The following PIK3C2B variants were observed in gnomAD, a reference collection of about 807,000 sequenced individuals.
The protein encoded by PIK3C2B is phosphatidylinositol-4-phosphate 3-kinase catalytic subunit type 2 beta.
In PIK3C2B, 83 loss-of-function variants were observed where a neutral mutation model predicts 184.3. The observed-to-expected ratio is 0.45, with a 90% CI of 0.38 to 0.54. The LOEUF is 0.54. Among genes scored for constraint, PIK3C2B ranks in the 20% least tolerant of loss-of-function variants. The pLI is 0.00. For missense variants in PIK3C2B, 1,736 were observed against 2,113.5 expected, an observed-to-expected ratio of 0.82 and a Z score of 3.50; for synonymous variants, 779 against 837.6, an observed-to-expected ratio of 0.93 and a Z score of 1.21.
chr1:204,449,242 A>G lies in PIK3C2B; in HGVS notation c.2289T>C (p.Asn763=). 1 of 1,613,116 alleles carries G rather than the reference A, an allele frequency of 6.2e-7. No individual in the cohort carries two copies. The highest frequency in any genetic ancestry group is 8.5e-7 in the Non-Finnish European group (1 of 1,179,782). ...TAGGTGCACTCCAACGGGCGCTGGGATTTTCCTGTGTTGCTGGCCACAAAC... is the reference window on the plus strand; with the variant it reads ...TAGGTGCACTCCAACGGGCGCTGGGGTTTTCCTGTGTTGCTGGCCACAAAC... ...LLGLWPATQE[N]PSARWSAPNF... The change falls in exon 14 of 33, where the codon AAT becomes AAC. Residue 763 remains asparagine (N), a synonymous_variant. Transcript: ENST00000684373.
chr1:204,464,598 T>A lies in PIK3C2B; in HGVS notation c.1041A>T (p.Arg347=). The change falls in exon 4 of 33, where the codon CGA becomes CGT. Residue 347 remains arginine, a synonymous_variant. Coordinates refer to ENST00000684373, the MANE Select transcript of PIK3C2B (RefSeq NM_001377334.1). ...AAFCHMLDIL[R]SGSDIQDYFL... is the part of the protein sequence containing the mutation. Reference sequence around the variant, plus strand: ...AGTAGTCTTGGATGTCAGAGCCAGATCGAAGGCTGTACAGGAAGAAAAAAA... The same window carrying A: ...AGTAGTCTTGGATGTCAGAGCCAGAACGAAGGCTGTACAGGAAGAAAAAAA... 6.2e-7 allele frequency: 1 copy of A among 1,613,808 alleles called. No homozygotes were observed. The highest frequency in any genetic ancestry group is 1.7e-5 in the Admixed American group (1 of 59,974).
In PIK3C2B at chr1:204,444,438, C is replaced by T. The variant is rs1268917732; in HGVS notation, c.2679-14G>A. On this transcript the variant is annotated splice_polypyrimidine_tract_variant and intron_variant, in intron 16 of 32. Coordinates refer to ENST00000684373, the MANE Select transcript of PIK3C2B (RefSeq NM_001377334.1). Reference sequence around the variant, plus strand: ...TGGTCCGGGAAGCTGCAAAACAGAGCCCAGTGCCCTGACAACCTAGCTGCA... The same window carrying T: ...TGGTCCGGGAAGCTGCAAAACAGAGTCCAGTGCCCTGACAACCTAGCTGCA... 1 of 1,602,178 alleles carries T rather than the reference C, an allele frequency of 6.2e-7. No homozygotes were observed. Among genetic ancestry groups the T allele is most frequent in the Admixed American group, 1.7e-5 (1 of 59,184 alleles).
At chr1:204,489,815 C>T (rs1310779900) in intron 1 of PIK3C2B, 2 of 397,930 alleles carry the variant, frequency 5.0e-6, no homozygotes, top group African/African-American at 2.1e-5. Flanking sequence ...AGAACTCATA[C>T]CTGATTCTTC....
chr1:204,468,869 C>G lies in PIK3C2B; in HGVS notation c.933+1G>C, dbSNP rs753927973. ...CAGAAGAAACACAAGAAGGTCCTCA[C>G]CGGGGCTGCAGAAATCCGGCGGTTC... On this transcript the variant is annotated splice_donor_variant, in intron 2 of 32. Transcript: ENST00000684373. LOFTEE classifies it high-confidence loss of function. 1 of 1,577,240 alleles carries G rather than the reference C, an allele frequency of 6.3e-7. No individual in the cohort carries two copies. Among genetic ancestry groups the G allele is most frequent in the South Asian group, 1.2e-5 (1 of 84,178 alleles).
intron 23 of PIK3C2B, among the ~76,000 whole-genome samples, chr1:204,436,897 G>T (rs530169354): frequency 6.6e-6 from 1 of 152,242 alleles, no homozygotes; most frequent in African/African-American, 2.4e-5. Flanking sequence ...CCTCTCCAAG[G>T]GTAGAGGGCC....
chr1:204,451,634 C>T (rs1654367546), intron 12 of PIK3C2B, among the ~76,000 whole-genome samples: 1 of 147,002 alleles, frequency 6.8e-6, no homozygotes, highest in Non-Finnish European at 1.5e-5. Flanking sequence ...ACTTAATTCC[C>T]ATCTCTGTGC....
At chr1:204,490,865 T>C (rs1238854284) in intron 1 of PIK3C2B, among the ~76,000 whole-genome samples, 1 of 152,162 alleles carries the variant, frequency 6.6e-6, no homozygotes, top group Non-Finnish European at 1.5e-5. Flanking sequence ...GAAATCTGCC[T>C]TAATTTCCCC....
chr1:204,447,418 T>G lies in PIK3C2B; in HGVS notation c.2489+18A>C. 6.2e-7 allele frequency: 1 copy of G among 1,607,626 alleles called. No individual in the cohort carries two copies. The highest frequency in any genetic ancestry group is 8.5e-7 in the Non-Finnish European group (1 of 1,175,076). On this transcript the variant is annotated intron_variant, in intron 15 of 32. Coordinates refer to ENST00000684373, the MANE Select transcript of PIK3C2B (RefSeq NM_001377334.1). The surrounding 1 kb of genome is among the most constrained non-coding windows in gnomAD (Gnocchi z 4.1). Reference sequence around the variant, plus strand: ...GTCAGATGAAACATGACAGATTCAGTGGGGGCCCGGGTCTCACCAGTACAA... The same window carrying G: ...GTCAGATGAAACATGACAGATTCAGGGGGGGCCCGGGTCTCACCAGTACAA...
At chr1:204,466,022 C>T (rs572750232) in intron 2 of PIK3C2B, among the ~76,000 whole-genome samples, 17 of 152,318 alleles carry the variant, frequency 1.1e-4, no homozygotes, top group Admixed American at 8.5e-4. Context: ...TCTCAAAATA[C>T]GTGTGTGGTG....
intron 1 of PIK3C2B, among the ~76,000 whole-genome samples, chr1:204,486,727 C>T (rs1657627219): frequency 6.6e-6 from 1 of 152,130 alleles, no homozygotes; most frequent in Non-Finnish European, 1.5e-5. Context: ...GAGATTCCAT[C>T]TCAAAAAAAG....
intron 5 of PIK3C2B, among the ~76,000 whole-genome samples, chr1:204,462,181 C>T (rs1259605189): frequency 2.6e-5 from 4 of 152,126 alleles, no homozygotes; most frequent in Non-Finnish European, 4.4e-5. Flanking sequence ...GGACCGCTGA[C>T]CCTGTCCCAC....
chr1:204,444,269 A>G (rs751181146), intron 17 of PIK3C2B, 62 bp downstream of exon 17: 8 of 1,487,218 alleles, frequency 5.4e-6, no homozygotes, highest in Non-Finnish European at 7.5e-6. Context: ...GGCAGAATGC[A>G]GACTCACTTG....
chr1:204,470,347 T>C (rs921075835), intron 1 of PIK3C2B, among the ~76,000 whole-genome samples: 3 of 152,172 alleles, frequency 2.0e-5, no homozygotes, highest in Non-Finnish European at 4.4e-5. Flanking sequence ...TTTGTATTTT[T>C]AGTAGAGACA....
chr1:204,481,527 G>T (rs769240934), intron 1 of PIK3C2B, among the ~76,000 whole-genome samples: 13 of 152,214 alleles, frequency 8.5e-5, no homozygotes, highest in Non-Finnish European at 1.6e-4. Context: ...AAAGTGCTGG[G>T]ATTACAGGCA....
intron 1 of PIK3C2B, among the ~76,000 whole-genome samples, chr1:204,483,851 A>G (rs1305802985): frequency 6.6e-6 from 1 of 152,146 alleles, no homozygotes; most frequent in Non-Finnish European, 1.5e-5. Context: ...CCCCTTGCCC[A>G]TGTGACCCTC....
intron 11 of PIK3C2B, 60 bp from the exon 12 acceptor site, chr1:204,454,851 A>G: frequency 6.4e-6 from 10 of 1,561,282 alleles, no homozygotes; most frequent in Non-Finnish European, 8.6e-6. Flanking sequence ...ACCCAAACCT[A>G]TGCGTCCCTC....
chr1:204,469,636 G>C lies in PIK3C2B; in HGVS notation c.167C>G (p.Ser56Cys). The C allele has an allele frequency of 1.2e-6, 2 of 1,613,042 alleles. No homozygotes were observed. The highest frequency in any genetic ancestry group is 1.7e-6 in the Non-Finnish European group (2 of 1,179,428). The change falls in exon 2 of 33, where the codon TCT becomes TGT. Residue 56 changes from serine to cysteine, a missense_variant. Around this residue, in one of 8 missense-constraint regions of PIK3C2B, gnomAD observed 404 missense variants for 418.0 expected, o/e 0.97. Transcript: ENST00000684373. ...ENRAKQNADP[S>C]LISWDEPGVD... Reference sequence around the variant, plus strand: ...CCCAGGCTCATCCCAGCTGATGAGAGAGGGGTCTGCGTTCTGCTTGGCTCT... The same window carrying C: ...CCCAGGCTCATCCCAGCTGATGAGACAGGGGTCTGCGTTCTGCTTGGCTCT...
chr1:204,478,284 C>G (rs1558280597), intron 1 of PIK3C2B, among the ~76,000 whole-genome samples: 1 of 152,190 alleles, frequency 6.6e-6, no homozygotes, highest in Non-Finnish European at 1.5e-5. Context: ...TCCTTTGCAG[C>G]CAGGGACCCT....
chr1:204,471,937 T>C (rs1421268215), intron 1 of PIK3C2B, among the ~76,000 whole-genome samples: 3 of 144,972 alleles, frequency 2.1e-5, no homozygotes, highest in Non-Finnish European at 4.6e-5. Flanking sequence ...GGCTACCTGA[T>C]GTCTTACAGG....
Sources: allele counts gnomAD v4.1 joint callset (sites outside exome capture counted in the v4.1 genomes callset), GRCh38; gene constraint gnomAD v4.1.1; regional missense constraint gnomAD v4.1.1; non-coding constraint Gnocchi (gnomAD v3.1); transcripts MANE v1.5; gene names NCBI Gene and HGNC (gene_info 2026-07-23, HGNC 2026-07-21).